Variants in VPS13B observed in about 807,000 individuals in gnomAD.
VPS13B encodes the protein vacuolar protein sorting 13 homolog B.
A neutral mutation model predicts 426.4 loss-of-function variants in VPS13B; 285 were observed. That is an observed-to-expected ratio of 0.67 (90% CI 0.61 to 0.74). VPS13B has a LOEUF of 0.74. Ranked by LOEUF, VPS13B falls within the 30% of genes least tolerant of loss-of-function variation. VPS13B has a pLI of 0.00. For synonymous variants in VPS13B, 1,676 were observed against 1,676.4 expected, an observed-to-expected ratio of 1.00 and a Z score of 0.01; for missense variants, 4,537 against 4,782.6, an observed-to-expected ratio of 0.95 and a Z score of 1.51.
chr8:99,870,971 T>C (rs2130973234), intron 60 of VPS13B, 84 bp downstream of exon 60: 1 of 1,390,534 alleles, frequency 7.2e-7, no homozygotes, highest in South Asian at 1.2e-5. Flanking sequence ...TAATGGGCCA[T>C]GCTTCCAGGG....
intron 19 of VPS13B, among the ~76,000 whole-genome samples, chr8:99,304,171 T>C (rs1820518844): frequency 6.6e-6 from 1 of 152,176 alleles, no homozygotes; most frequent in Non-Finnish European, 1.5e-5. Flanking sequence ...TGAAGATTAA[T>C]GAATTCATGT....
intron 3 of VPS13B, among the ~76,000 whole-genome samples, chr8:99,065,862 A>G (rs1424359330): frequency 2.0e-5 from 3 of 152,204 alleles, no homozygotes; most frequent in African/African-American, 7.2e-5. Context: ...TACACTAATA[A>G]CAGACAGAGA....
chr8:99,091,937 C>G (rs1846170852), intron 3 of VPS13B: 1 of 152,242 alleles, frequency 6.6e-6, no homozygotes, highest in Non-Finnish European at 1.5e-5. Flanking sequence ...TCACTGTCCA[C>G]TTTCTCCTTC....
At chr8:99,126,669 G>A (rs1284500410) in intron 8 of VPS13B, among the ~76,000 whole-genome samples, 2 of 152,204 alleles carry the variant, frequency 1.3e-5, no homozygotes, top group African/African-American at 4.8e-5. Flanking sequence ...CTAAGAAAGA[G>A]GGATAATGGG....
intron 61 of VPS13B, among the ~76,000 whole-genome samples, chr8:99,873,632 A>G (rs1052888172): frequency 6.6e-6 from 1 of 152,172 alleles, no homozygotes; most frequent in African/African-American, 2.4e-5. Flanking sequence ...GAAGTCATTA[A>G]TAGGAATAAC....
chr8:99,549,943 G>T (rs139231105), intron 30 of VPS13B, among the ~76,000 whole-genome samples: 160 of 152,068 alleles, frequency 1.1e-3, no homozygotes, highest in African/African-American at 2.9e-3. Context: ...CCCAAGTCTG[G>T]GTCAGGTGTC....
intron 25 of VPS13B, among the ~76,000 whole-genome samples, chr8:99,482,045 C>T (rs1226121844): frequency 6.6e-6 from 1 of 152,058 alleles, no homozygotes; most frequent in Non-Finnish European, 1.5e-5. Flanking sequence ...ATGGTGAAAA[C>T]TGAGACACAG....
intron 25 of VPS13B, among the ~76,000 whole-genome samples, chr8:99,495,884 C>T (rs1308582314): frequency 6.6e-6 from 1 of 152,030 alleles, no homozygotes; most frequent in Non-Finnish European, 1.5e-5. Context: ...GATGAAAAGG[C>T]GGTTGAGGCG....
rs185056083 is a variant in VPS13B at position 99,630,208 on chromosome 8, C to G, written c.5221-11603C>G. Reference sequence around the variant, plus strand: ...GAGTGCAAGTCTCTTAACCTGCCACCCAGAGTCTTGCTTTATCCTGCCTTT... The same window carrying G: ...GAGTGCAAGTCTCTTAACCTGCCACGCAGAGTCTTGCTTTATCCTGCCTTT... On this transcript the variant is annotated intron_variant, in intron 33 of 61. Coordinates refer to ENST00000357162, the MANE Select transcript of VPS13B (RefSeq NM_152564.5). 5.9e-4 allele frequency among the ~76,000 whole-genome samples: 90 copies of G among 152,210 alleles called. 1 individual carries two copies. The highest frequency in any genetic ancestry group is 3.4e-3 in the Middle Eastern group (1 of 294).
Position 99,028,381 on chromosome 8 carries a change from G to A in VPS13B, c.148-10042G>A, listed in dbSNP as rs1412175782. Among the ~76,000 whole-genome samples, 6 of 148,072 alleles carry A rather than the reference G, an allele frequency of 4.1e-5. No individual in the cohort carries two copies. The South Asian group carries it at 6.4e-4, about 16-fold the overall frequency. ...TCCCTCCCGGATGGGGCGGCTGGCC[G>A]GGCGGGGGGCTGACCCCCCCCACCT... On this transcript the variant is annotated intron_variant, in intron 2 of 61. Coordinates refer to ENST00000357162, the MANE Select transcript of VPS13B (RefSeq NM_152564.5).
chr8:99,043,135 G>A (rs1034497754), intron 3 of VPS13B, among the ~76,000 whole-genome samples: 1 of 151,920 alleles, frequency 6.6e-6, no homozygotes, highest in Admixed American at 6.6e-5. Flanking sequence ...TTCACAGGAC[G>A]AAGTTTTTTT....
At position 99,170,042 on chromosome 8, in the gene VPS13B, T is replaced by C; in HGVS notation, c.2212T>C (p.Phe738Leu). 1 of 1,612,652 alleles carries C rather than the reference T, an allele frequency of 6.2e-7. No individual in the cohort carries two copies. Among genetic ancestry groups the C allele is most frequent in the Non-Finnish European group, 8.5e-7 (1 of 1,178,804 alleles). The stretch of plus-strand genomic sequence containing the variant: ...GCATCTTTTCTTTTTGTTTTAGATA[T>C]TTGGTTTCCAGGCAGGACTGACGTC... ...YCYVHCYLKIFGFQAGLTSLD... is the reference protein window; with the variant it reads ...YCYVHCYLKILGFQAGLTSLD... Residue 738 changes from phenylalanine (F) to leucine (L), a missense_variant, in exon 16 of 62, where the codon TTT becomes CTT. Coordinates refer to ENST00000357162, the MANE Select transcript of VPS13B (RefSeq NM_152564.5).
chr8:99,392,391 T>C (rs1026364744), intron 21 of VPS13B, among the ~76,000 whole-genome samples: 11 of 152,064 alleles, frequency 7.2e-5, no homozygotes, highest in African/African-American at 2.7e-4. Context: ...ATTTTGTGAT[T>C]TGTTTTTTCT....
chr8:99,031,047 TTTGTTACATG>T (rs1474836734), intron 2 of VPS13B, among the ~76,000 whole-genome samples: 1 of 152,172 alleles, frequency 6.6e-6, no homozygotes, highest in East Asian at 1.9e-4. Context: ...TAAAATTAGT[TTTGTTACATG>T]TTGTTTCATT....
At chr8:99,755,901 A>G (rs1030763582) in intron 39 of VPS13B, among the ~76,000 whole-genome samples, 1 of 152,026 alleles carries the variant, frequency 6.6e-6, no homozygotes, top group Middle Eastern at 3.4e-3. Context: ...ATAAAATCTT[A>G]TATCATTAAA....
At chr8:99,380,037 A>T (rs1280853846) in intron 19 of VPS13B, among the ~76,000 whole-genome samples, 1 of 152,124 alleles carries the variant, frequency 6.6e-6, no homozygotes, top group Admixed American at 6.5e-5. Flanking sequence ...ATATTGGGGG[A>T]AAATTCTCTT....
At chr8:99,532,224 G>C (rs1822970962) in intron 30 of VPS13B, among the ~76,000 whole-genome samples, 2 of 151,972 alleles carry the variant, frequency 1.3e-5, no homozygotes, top group East Asian at 1.9e-4. Flanking sequence ...TCAATTGTGA[G>C]GTTTTTCAAC....
rs186551628 is a variant in VPS13B, at chr8:99,154,930, G to T, written c.2014-1619G>T. On this transcript the variant is annotated intron_variant, in intron 14 of 61. Transcript: ENST00000357162. Reference sequence around the variant, plus strand: ...AGGTATACTAAAAATAGAAGCAATTGAATTAAATATAATAAAAAATCAATA... The same window carrying T: ...AGGTATACTAAAAATAGAAGCAATTTAATTAAATATAATAAAAAATCAATA... Among the ~76,000 whole-genome samples the T allele has an allele frequency of 6.3e-3, 959 of 151,764 alleles. 8 individuals are homozygous for T. Among genetic ancestry groups the T allele is most frequent in the African/African-American group, 0.022 (900 of 41,352 alleles).
At chr8:99,298,690 C>G (rs941683294) in intron 19 of VPS13B, among the ~76,000 whole-genome samples, 1 of 152,068 alleles carries the variant, frequency 6.6e-6, no homozygotes, top group Admixed American at 6.6e-5. Context: ...TTTCATTATC[C>G]CAACACTGTT....
Sources: gnomAD v4.1 joint callset for allele counts (sites outside exome capture counted in the v4.1 genomes callset) on GRCh38, gnomAD v4.1.1 for gene constraint, MANE v1.5 for transcripts, NCBI Gene and HGNC (gene_info 2026-07-23, HGNC 2026-07-21) for gene names.